HSD17B4: variants seen among roughly 807,000 people sequenced by gnomAD.
HSD17B4 encodes the protein peroxisomal multifunctional enzyme type 2.
In HSD17B4, 70 loss-of-function variants were observed where a neutral mutation model predicts 101.0. The ratio of observed to expected loss-of-function variants is 0.69; its 90% CI spans 0.57 to 0.85. HSD17B4 has a LOEUF of 0.85. HSD17B4 is among the 40% of genes least tolerant of loss of function. The pLI, the probability that HSD17B4 is intolerant of heterozygous loss-of-function variation, is 0.00. For missense variants in HSD17B4, 984 were observed against 892.4 expected (o/e 1.10, Z -1.31); for synonymous variants, 347 against 297.1 (o/e 1.17, Z -1.73).
At chr5:119,512,718 C>T (rs932326215) in intron 16 of HSD17B4, among the ~76,000 whole-genome samples, 4 of 152,184 alleles carry the variant, frequency 2.6e-5, no homozygotes, top group African/African-American at 9.7e-5. Context: ...AAATAAAGTT[C>T]TTCAGATTGA....
At position 119,452,598 on chromosome 5, in the gene HSD17B4, A is replaced by AC; in HGVS notation, c.24dup (p.Gly9ArgfsTer32). 6.2e-7 allele frequency: 1 copy of AC among 1,613,902 alleles called. No individual in the cohort carries two copies. Among genetic ancestry groups the AC allele is most frequent in the Non-Finnish European group, 8.5e-7 (1 of 1,179,954 alleles). On this transcript the variant is annotated frameshift_variant, in exon 1 of 24. Coordinates refer to ENST00000510025, the MANE Select transcript of HSD17B4 (RefSeq NM_000414.4). LOFTEE classifies it high-confidence loss of function. ...TTCATGGGCTCACCGCTGAGGTTCG[A>AC]CGGGCGGGTGGTACTGGTCACCGGC...
At position 119,525,242 on chromosome 5, in the gene HSD17B4, C is replaced by A; in HGVS notation, c.1530C>A (p.Asp510Glu). The A allele has an allele frequency of 6.2e-7, 1 of 1,612,314 alleles. No individual in the cohort carries two copies. The highest frequency in any genetic ancestry group is 8.5e-7 in the Non-Finnish European group (1 of 1,178,632). Residue 510 changes from aspartate to glutamate, a missense_variant, in exon 18 of 24, where the codon GAC (aspartate) becomes GAA (glutamate). Coordinates refer to ENST00000510025, the MANE Select transcript of HSD17B4 (RefSeq NM_000414.4). ...NQAALYRLSG[D>E]WNPLHIDPNF... Reference sequence around the variant, plus strand: ...CTGCTTTGTACCGCCTCAGTGGAGACTGGAATCCCTTACACATTGATCCTA... The same window carrying A: ...CTGCTTTGTACCGCCTCAGTGGAGAATGGAATCCCTTACACATTGATCCTA...
chr5:119,510,106 G>T (rs1476550340), intron 16 of HSD17B4, among the ~76,000 whole-genome samples: 2 of 152,178 alleles, frequency 1.3e-5, no homozygotes, highest in Non-Finnish European at 2.9e-5. Flanking sequence ...CTTTGAAATT[G>T]TGTGTGTTCC....
At chr5:119,523,720 C>T (rs1408990877) in intron 17 of HSD17B4, among the ~76,000 whole-genome samples, 1 of 152,058 alleles carries the variant, frequency 6.6e-6, no homozygotes, top group Non-Finnish European at 1.5e-5. Flanking sequence ...TGTATTGTTG[C>T]TATAATCTTT....
rs1017592892 is a variant in HSD17B4 at position 119,531,313 on chromosome 5, C to T, written c.1902C>T (p.Arg634=). The T allele has an allele frequency of 6.2e-7, 1 of 1,613,424 alleles. No homozygotes were observed. The highest frequency in any genetic ancestry group is 8.5e-7 in the Non-Finnish European group (1 of 1,179,638). ...STFVFEEIGR[R]LKDIGPEVVK... ...TTGTATTTGAGGAAATAGGACGCCG[C>T]CTAAAGGATATTGGGCCTGAGGTGG... The change falls in exon 22 of 24, where the codon CGC becomes CGT. Residue 634 remains arginine, a synonymous_variant. Coordinates refer to ENST00000510025, the MANE Select transcript of HSD17B4 (RefSeq NM_000414.4).
chr5:119,503,608 G>T (rs940019127), intron 14 of HSD17B4, among the ~76,000 whole-genome samples: 1 of 152,132 alleles, frequency 6.6e-6, no homozygotes, highest in Admixed American at 6.5e-5. Context: ...CAAGCATCAG[G>T]AGACTGATAA....
chr5:119,525,722 T>C (rs558733423), intron 18 of HSD17B4, 195 bp from the exon 19 acceptor site: 18 of 578,312 alleles, frequency 3.1e-5, no homozygotes, highest in South Asian at 8.5e-5. Flanking sequence ...TGTTTTTTTT[T>C]TTTCTTTCTT....
chr5:119,472,377 ATTG>A (rs1370049649), intron 2 of HSD17B4: 2 of 152,006 alleles, frequency 1.3e-5, no homozygotes, highest in Non-Finnish European at 2.9e-5. Context: ...ACAATATAGT[ATTG>A]TTATAGGTAT....
chr5:119,489,149 A>C, intron 8 of HSD17B4, 43 bp from the exon 9 acceptor site: 2 of 1,306,626 alleles, frequency 1.5e-6, no homozygotes, highest in East Asian at 4.6e-5. Context: ...AATTCTTAGA[A>C]AGTAAAATGA....
intron 2 of HSD17B4, among the ~76,000 whole-genome samples, chr5:119,470,129 C>T (rs1482171711): frequency 6.6e-6 from 1 of 151,858 alleles, no homozygotes; most frequent in Admixed American, 6.6e-5. Flanking sequence ...TTCTCAGTCT[C>T]TGGGGAATGC....
intron 14 of HSD17B4, among the ~76,000 whole-genome samples, chr5:119,504,341 T>C (rs539524248): frequency 3.0e-4 from 45 of 152,358 alleles, no homozygotes; most frequent in African/African-American, 1.1e-3. Context: ...TTTTAAGTTC[T>C]TTGAGAAATC....
intron 14 of HSD17B4, among the ~76,000 whole-genome samples, chr5:119,506,315 C>T (rs1314013690): frequency 6.6e-6 from 1 of 152,132 alleles, no homozygotes; most frequent in Non-Finnish European, 1.5e-5. Context: ...TGGTTTCCAG[C>T]TTCATCCATG....
In HSD17B4 at chr5:119,499,560, C is replaced by G. The variant is rs755414935; in HGVS notation, c.1209+7C>G. 4 of 1,527,572 alleles carry G rather than the reference C, an allele frequency of 2.6e-6. No homozygotes were observed. The highest frequency in any genetic ancestry group is 3.6e-6 in the Non-Finnish European group (4 of 1,101,524). The allele number at this position is 1,527,572 out of a possible 1,614,324, so 94.6% of individuals were successfully genotyped here. ...TTCAATCAACTTTGCAAAGGTATGC[C>G]TAATAAAAAACCTTTATTTTGCTTT... is the stretch of plus-strand genomic sequence containing the variant. On this transcript the variant is annotated splice_region_variant and intron_variant, in intron 13 of 23. Transcript: ENST00000510025.
At chr5:119,529,183 T>C (rs73251677) in intron 20 of HSD17B4, among the ~76,000 whole-genome samples, 5,726 of 152,264 alleles carry the variant, frequency 0.038, 322 homozygotes, top group African/African-American at 0.12. Flanking sequence ...ATAAACGCTA[T>C]GTTAAACTTT....
At chr5:119,536,343 C>A in intron 22 of HSD17B4, 80 bp from the exon 23 acceptor site, 1 of 1,228,420 alleles carries the variant, frequency 8.1e-7, no homozygotes, top group South Asian at 1.2e-5. Context: ...ATAGAAATGT[C>A]TGCATTTTAC....
intron 17 of HSD17B4, among the ~76,000 whole-genome samples, chr5:119,520,376 T>C (rs1305629520): frequency 6.6e-6 from 1 of 152,124 alleles, no homozygotes; most frequent in African/African-American, 2.4e-5. Flanking sequence ...TGTATCATCT[T>C]CCAGGACCTT....
At chr5:119,461,575 T>C (rs1199212215) in intron 2 of HSD17B4, among the ~76,000 whole-genome samples, 3 of 152,144 alleles carry the variant, frequency 2.0e-5, no homozygotes, top group Non-Finnish European at 2.9e-5. Context: ...CGGATCTAAG[T>C]GTGTTTTAGA....
chr5:119,504,390 T>C (rs934037863), intron 14 of HSD17B4, among the ~76,000 whole-genome samples: 1 of 152,212 alleles, frequency 6.6e-6, no homozygotes, highest in Non-Finnish European at 1.5e-5. Context: ...TAATTTACAT[T>C]CCCTCCAACA....
At chr5:119,474,196 A>C (rs1039725885) in intron 3 of HSD17B4, among the ~76,000 whole-genome samples, 181 bp downstream of exon 3, 3 of 152,178 alleles carry the variant, frequency 2.0e-5, no homozygotes, top group African/African-American at 7.2e-5. Flanking sequence ...GATGTAGACT[A>C]TTTCATGATT....
Sources: gnomAD v4.1 joint callset for allele counts (sites outside exome capture counted in the v4.1 genomes callset) on GRCh38, gnomAD v4.1.1 for gene constraint, MANE v1.5 for transcripts, NCBI Gene and HGNC (gene_info 2026-07-23, HGNC 2026-07-21) for gene names.